The following FAM13A variants were observed in gnomAD, a reference collection of about 807,000 sequenced individuals.
FAM13A encodes family with sequence similarity 13 member A.
FAM13A carries 76 observed loss-of-function variants against 129.6 expected under a neutral mutation model. That is an observed-to-expected ratio of 0.59 (90% CI 0.49 to 0.71). The LOEUF (loss-of-function observed/expected upper bound fraction) is 0.71, where lower values mean the gene tolerates loss of function less well. Ranked by LOEUF, FAM13A falls within the 30% of genes least tolerant of loss-of-function variation. The pLI is 0.00. For missense variants in FAM13A, 1,108 were observed against 1,249.3 expected (o/e 0.89, Z 1.70); for synonymous variants, 443 against 449.9 (o/e 0.98, Z 0.20).
chr4:88,838,787 C>T (rs1735291302), intron 7 of FAM13A, among the ~76,000 whole-genome samples: 1 of 151,832 alleles, frequency 6.6e-6, no homozygotes, highest in Non-Finnish European at 1.5e-5. Context: ...TAAATAATGA[C>T]AAATTTCACT....
intron 1 of FAM13A, among the ~76,000 whole-genome samples, chr4:89,047,824 C>A (rs995250111): frequency 2.0e-5 from 3 of 152,128 alleles, no homozygotes; most frequent in Non-Finnish European, 2.9e-5. Context: ...CAAAATGACA[C>A]AACTAAGAAA....
intron 1 of FAM13A, among the ~76,000 whole-genome samples, chr4:89,040,695 C>T (rs1579895461): frequency 6.6e-6 from 1 of 152,250 alleles, no homozygotes; most frequent in East Asian, 1.9e-4. Flanking sequence ...GCAAACCCAA[C>T]AATAAAGAAG....
intron 7 of FAM13A, among the ~76,000 whole-genome samples, chr4:88,848,551 A>G (rs1485763163): frequency 1.3e-5 from 2 of 152,038 alleles, no homozygotes; most frequent in Non-Finnish European, 2.9e-5. Context: ...AGGGACAAAG[A>G]CTCATCCACA....
At chr4:89,018,013 A>T in intron 3 of FAM13A, among the ~76,000 whole-genome samples, 1 of 152,174 alleles carries the variant, frequency 6.6e-6, no homozygotes, top group African/African-American at 2.4e-5. Flanking sequence ...AAATAAAATC[A>T]TTTTTTTCAA....
chr4:88,935,613 T>C (rs989637939), intron 5 of FAM13A, among the ~76,000 whole-genome samples: 3 of 152,196 alleles, frequency 2.0e-5, no homozygotes, highest in Non-Finnish European at 4.4e-5. Flanking sequence ...TTTTTCAGTA[T>C]ATTAATAGTT....
chr4:88,948,933 T>C (rs1204575024), intron 4 of FAM13A, among the ~76,000 whole-genome samples: 1 of 152,234 alleles, frequency 6.6e-6, no homozygotes, highest in Non-Finnish European at 1.5e-5. Flanking sequence ...GGTATTAAAC[T>C]AGATCTTTCT....
intron 21 of FAM13A, among the ~76,000 whole-genome samples, chr4:88,733,685 C>T (rs553320933): frequency 6.6e-6 from 1 of 152,326 alleles, no homozygotes; most frequent in Non-Finnish European, 1.5e-5. Context: ...CTGTTTACTG[C>T]TGTCCCCAGA....
intron 3 of FAM13A, among the ~76,000 whole-genome samples, chr4:89,004,110 C>T (rs2149063617): frequency 6.6e-6 from 1 of 152,174 alleles, no homozygotes; most frequent in South Asian, 2.1e-4. Context: ...TAGTCATAAG[C>T]TACCACACCT....
In FAM13A at chr4:88,747,836, A is replaced by G; in HGVS notation, c.2177T>C (p.Ile726Thr). The G allele has an allele frequency of 6.2e-7, 1 of 1,612,460 alleles. No individual in the cohort carries two copies. Among genetic ancestry groups the G allele is most frequent in the Non-Finnish European group, 8.5e-7 (1 of 1,178,574 alleles). ...CCTGGGAGTTAGGTCCTCTTCAGAT[A>G]TCTTTAGTTTTGATTCTAGTTGAGA... is the stretch of plus-strand genomic sequence containing the variant. ...RRQLKESKLK[I>T]SEEDLTPRMR... Residue 726 changes from isoleucine to threonine, a missense_variant, in exon 18 of 24, where the codon ATA becomes ACA. Coordinates refer to ENST00000264344, the MANE Select transcript of FAM13A (RefSeq NM_014883.4).
intron 4 of FAM13A, among the ~76,000 whole-genome samples, chr4:88,977,724 T>A (rs1761095101): frequency 6.6e-6 from 1 of 152,154 alleles, no homozygotes; most frequent in African/African-American, 2.4e-5. Context: ...TCAAAAAGTA[T>A]CCTTTCTAAT....
intron 3 of FAM13A, among the ~76,000 whole-genome samples, chr4:89,003,157 A>G (rs1764488245): frequency 6.6e-6 from 1 of 152,144 alleles, no homozygotes; most frequent in Admixed American, 6.5e-5. Context: ...ATTCAAGATG[A>G]CATCTACAAC....
At chr4:88,921,149 T>A (rs1159752420) in intron 5 of FAM13A, among the ~76,000 whole-genome samples, 2 of 152,118 alleles carry the variant, frequency 1.3e-5, no homozygotes, top group African/African-American at 2.4e-5. Context: ...CCAGGAGAAC[T>A]TCCCCAATCT....
chr4:88,750,780 G>C lies in FAM13A; in HGVS notation c.1727-143C>G. 4 of 631,934 alleles carry C rather than the reference G, an allele frequency of 6.3e-6. No individual in the cohort carries two copies. In the East Asian group the frequency reaches 1.1e-4, roughly 17 times the overall value. 39.1% of individuals were successfully genotyped at this position (631,934 alleles called of 1,614,324 possible). A position where few individuals can be genotyped will look rare whatever the true frequency, so the allele number is the denominator to read the frequency against. ...TTCTCATTTTACAGCTAAGGTCCAG[G>C]CTAAGGACACCGCGCCCCAACTGAA... On this transcript the variant is annotated intron_variant, in intron 14 of 23. Transcript: ENST00000264344.
intron 16 of FAM13A, 127 bp from the exon 17 acceptor site, chr4:88,749,160 C>A (rs533019815): frequency 5.5e-6 from 4 of 729,446 alleles, no homozygotes; most frequent in Non-Finnish European, 9.9e-6. Context: ...AAATTAAACA[C>A]GACCAATCAG....
chr4:88,811,564 T>A (rs1384104314), intron 7 of FAM13A, among the ~76,000 whole-genome samples: 1 of 138,328 alleles, frequency 7.2e-6, no homozygotes, highest in Admixed American at 7.5e-5. Flanking sequence ...GGTAGGGGTA[T>A]GTGCATGTGG....
At chr4:88,744,002 A>G (rs578058790) in intron 19 of FAM13A, among the ~76,000 whole-genome samples, 10 of 152,128 alleles carry the variant, frequency 6.6e-5, no homozygotes, top group African/African-American at 2.4e-4. Flanking sequence ...AATTTGAAAA[A>G]TGGCAACTCT....
intron 4 of FAM13A, among the ~76,000 whole-genome samples, chr4:88,971,044 T>C (rs763558399): frequency 1.3e-5 from 2 of 152,070 alleles, no homozygotes; most frequent in Admixed American, 6.6e-5. Context: ...CCATCTCTAC[T>C]AAAAATACAA....
chr4:88,808,484 G>A (rs1297644978), intron 7 of FAM13A, among the ~76,000 whole-genome samples: 1 of 152,046 alleles, frequency 6.6e-6, no homozygotes, highest in Non-Finnish European at 1.5e-5. Flanking sequence ...CATGTTCAAT[G>A]ATACTAAAGG....
chr4:89,007,863 T>G (rs988506148), intron 3 of FAM13A, among the ~76,000 whole-genome samples: 1 of 152,152 alleles, frequency 6.6e-6, no homozygotes, highest in African/African-American at 2.4e-5. Context: ...ATTATATAAG[T>G]AAAATATCTA....
Sources: allele counts gnomAD v4.1 joint callset (sites outside exome capture counted in the v4.1 genomes callset), GRCh38; gene constraint gnomAD v4.1.1; transcripts MANE v1.5; gene names NCBI Gene and HGNC (gene_info 2026-07-23, HGNC 2026-07-21).